Variants in CCDC51 observed in about 807,000 individuals in gnomAD.
The protein encoded by CCDC51 is coiled-coil domain containing 51.
In CCDC51, 25 loss-of-function variants were observed where a neutral mutation model predicts 24.8. The ratio of observed to expected loss-of-function variants is 1.01; its 90% CI spans 0.73 to 1.41. CCDC51 has a LOEUF of 1.41. Ranked by LOEUF, CCDC51 falls within the 40% of genes most tolerant of loss-of-function variation. The pLI is 0.00. For missense variants in CCDC51, 466 were observed against 519.1 expected, an observed-to-expected ratio of 0.90 and a Z score of 0.99; for synonymous variants, 190 against 204.3, an observed-to-expected ratio of 0.93 and a Z score of 0.60.
At position 48,433,165 on chromosome 3, in the gene CCDC51, T is replaced by C. The variant is rs1428595281; in HGVS notation, c.479A>G (p.Glu160Gly). 1 of 1,608,722 alleles carries C rather than the reference T, an allele frequency of 6.2e-7. No homozygotes were observed. The highest frequency in any genetic ancestry group is 1.3e-5 in the African/African-American group (1 of 74,942). ...ATAGGCTGTGCGAAGCCTCTTCTCC[T>C]CCTGCAGAAGCAAAGCCATGTTATT... is the stretch of plus-strand genomic sequence containing the variant. ...LATLEHRMLQ[E>G]EKRLRTAYLR... The change falls in exon 4 of 4, where the codon GAG (glutamate) becomes GGG (glycine). Residue 160 changes from glutamate to glycine, a missense_variant and splice_region_variant. Physicochemically the swap from Glu to Gly is moderately conservative, Grantham distance 98 (BLOSUM62 -2). Transcript: ENST00000395694. The surrounding 1 kb of genome is among the most constrained non-coding windows in gnomAD (Gnocchi z 4.4).
upstream of CCDC51, chr3:48,445,168 G>C (rs1258241608): frequency 1.9e-5 from 2 of 106,752 alleles, no homozygotes; most frequent in African/African-American, 6.8e-5. Flanking sequence ...ACAAGACCCT[G>C]TATTTAAAAA....
At chr3:48,442,243 A>G (rs1315622127), upstream of CCDC51, among the ~76,000 whole-genome samples, 3 of 144,976 alleles carry the variant, frequency 2.1e-5, no homozygotes, top group East Asian at 4.0e-4. Context: ...CCTGGGAGAT[A>G]GAATGAGACC....
chr3:48,434,876 T>C lies in CCDC51; in HGVS notation c.253A>G (p.Arg85Gly), dbSNP rs2039301146. 5.0e-6 allele frequency: 8 copies of C among 1,614,032 alleles called. No individual in the cohort carries two copies. The highest frequency in any genetic ancestry group is 1.7e-5 in the Admixed American group (1 of 60,000). The change falls in exon 2 of 4, where the codon AGA becomes GGA. Residue 85 changes from arginine to glycine, a missense_variant. Physicochemically the swap from Arg to Gly is moderately radical, Grantham distance 125. Coordinates refer to ENST00000395694, the MANE Select transcript of CCDC51 (RefSeq NM_001256964.2). Reference sequence around the variant, plus strand: ...TTGAGTCCAACAAACTCTTCATATCTGTCCCACCAAGTCTTGGCTGTGGAG... The same window carrying C: ...TTGAGTCCAACAAACTCTTCATATCCGTCCCACCAAGTCTTGGCTGTGGAG... ...ATSTAKTWWD[R>G]YEEFVGLNEV...
chr3:48,443,104 G>A (rs1560097675), upstream of CCDC51, among the ~76,000 whole-genome samples: 1 of 151,710 alleles, frequency 6.6e-6, no homozygotes, highest in Admixed American at 6.6e-5. Flanking sequence ...GCCGGGTATG[G>A]TGGCATGCGC....
At chr3:48,434,115 T>G (rs563904082) in intron 2 of CCDC51, 4 of 767,986 alleles carry the variant, frequency 5.2e-6, no homozygotes, top group Non-Finnish European at 5.6e-6. Flanking sequence ...CTGAAAAAAC[T>G]TGAAAACAGC....
rs979742593 is a variant in CCDC51 at position 48,437,303 on chromosome 3, T to C, written c.-8-2167A>G. Among the ~76,000 whole-genome samples, 16 of 152,128 alleles carry C rather than the reference T, an allele frequency of 1.1e-4. No individual in the cohort carries two copies. The highest frequency in any genetic ancestry group is 3.6e-4 in the African/African-American group (15 of 41,410). On this transcript the variant is annotated intron_variant, in intron 1 of 3. Coordinates refer to ENST00000395694, the MANE Select transcript of CCDC51 (RefSeq NM_001256964.2). This position sits in a 1 kb window ranked among gnomAD's most constrained non-coding sequence, Gnocchi z 4.2. The stretch of plus-strand genomic sequence containing the variant: ...ACTTCATAAGGGAATGTGGCAATAA[T>C]TCCCATGTGGCAACTGGAGTTGTTT...
upstream of CCDC51, chr3:48,440,834 C>T (rs536004697): frequency 1.7e-5 from 10 of 603,290 alleles, no homozygotes; most frequent in African/African-American, 1.7e-4. Context: ...GCCTCCCAGG[C>T]AGTCTGGGCT....
At chr3:48,443,092 T>C (rs2039604139), upstream of CCDC51, among the ~76,000 whole-genome samples, 1 of 150,772 alleles carries the variant, frequency 6.6e-6, no homozygotes, top group Non-Finnish European at 1.5e-5. Context: ...ATACAAAAAT[T>C]AGCCGGGTAT....
chr3:48,443,346 G>A (rs889356491), upstream of CCDC51, among the ~76,000 whole-genome samples: 1 of 151,036 alleles, frequency 6.6e-6, no homozygotes, highest in Non-Finnish European at 1.5e-5. Flanking sequence ...TCAGGAGTTC[G>A]AGACCAGCCT....
At chr3:48,443,703 G>A (rs1252748746), upstream of CCDC51, 4 of 548,930 alleles carry the variant, frequency 7.3e-6, no homozygotes, top group African/African-American at 4.0e-5. Context: ...AGAACAGACA[G>A]TATCAGTGAA....
chr3:48,443,428 G>T (rs1246381634), upstream of CCDC51, among the ~76,000 whole-genome samples: 1 of 151,632 alleles, frequency 6.6e-6, no homozygotes, highest in Non-Finnish European at 1.5e-5. Context: ...CAGCTGCTCG[G>T]AAGGCTGAGA....
intron 1 of CCDC51, among the ~76,000 whole-genome samples, chr3:48,439,212 T>C (rs184707414): frequency 6.6e-6 from 1 of 152,372 alleles, no homozygotes; most frequent in African/African-American, 2.4e-5. Flanking sequence ...GCTTTGGTTA[T>C]AGTCTGTCTC....
At chr3:48,440,475 A>AGGCACTGGCGGGTGCGGG (rs760096856), upstream of CCDC51, 2 of 1,610,690 alleles carry the variant, frequency 1.2e-6, no homozygotes, top group Non-Finnish European at 1.7e-6. Context: ...GCGGGCGCGG[A>AGGCACTGGCGGGTGCGGG]GGCACTGGCG....
Position 48,435,952 on chromosome 3 carries a change from C to G in CCDC51, c.-8-816G>C, listed in dbSNP as rs1233762052. On this transcript the variant is annotated intron_variant, in intron 1 of 3. Transcript: ENST00000395694. The surrounding 1 kb of genome is among the most constrained non-coding windows in gnomAD (Gnocchi z 4.2). ...GCTCAACAGGTTAGGTTTCTCTCAT[C>G]TTTCCCTTTTCCATCTTGCTTTGAT... is the stretch of plus-strand genomic sequence containing the variant. Among the ~76,000 whole-genome samples, 2 of 152,180 alleles carry G rather than the reference C, an allele frequency of 1.3e-5. No homozygotes were observed. Among genetic ancestry groups the G allele is most frequent in the Non-Finnish European group, 2.9e-5 (2 of 68,026 alleles).
chr3:48,440,872 CG>C, upstream of CCDC51: 1 of 577,404 alleles, frequency 1.7e-6, no homozygotes, highest in Non-Finnish European at 3.1e-6. Context: ...GCTGCAGAAA[CG>C]GAAACAGTGA....
In CCDC51 at chr3:48,433,195, T is replaced by G. The variant is rs1482585645; in HGVS notation, c.478-29A>C. On this transcript the variant is annotated intron_variant, in intron 3 of 3. Coordinates refer to ENST00000395694, the MANE Select transcript of CCDC51 (RefSeq NM_001256964.2). This position sits in a 1 kb window ranked among gnomAD's most constrained non-coding sequence, Gnocchi z 4.4. ...CAGAAGCAAAGCCATGTTATTGGAT[T>G]ACATGGGCACAAGGTGGCCCTGCAG... 6 of 1,599,870 alleles carry G rather than the reference T, an allele frequency of 3.8e-6. No individual in the cohort carries two copies. The highest frequency in any genetic ancestry group is 5.1e-6 in the Non-Finnish European group (6 of 1,171,982).
Position 48,432,463 on chromosome 3 carries a change from C to A in CCDC51, c.1181G>T (p.Cys394Phe), listed in dbSNP as rs774224962. 6.2e-7 allele frequency: 1 copy of A among 1,614,234 alleles called. No homozygotes were observed. The highest frequency in any genetic ancestry group is 1.1e-5 in the South Asian group (1 of 91,090). ...RNTIYSTLVT[C>F]VTFVATLPVL... ...AGGCAGTGTGGCCACAAATGTCACA[C>A]AGGTGACCAGGGTGCTATAGATGGT... Residue 394 changes from cysteine (C) to phenylalanine (F), a missense_variant, in exon 4 of 4, where the codon TGT (cysteine) becomes TTT (phenylalanine). By Grantham distance (205) the Cys-to-Phe change is radical. Transcript: ENST00000395694.
upstream of CCDC51, chr3:48,440,832 G>C: frequency 1.7e-6 from 1 of 604,000 alleles, no homozygotes; most frequent in South Asian, 2.0e-5. Flanking sequence ...CTGCCTCCCA[G>C]GCAGTCTGGG....
At chr3:48,446,512 A>G in the CCDC51 span, 1 of 213,338 alleles carries the variant, frequency 4.7e-6, no homozygotes, top group East Asian at 1.0e-4. Context: ...ACGGAATGCC[A>G]GGGAGGGAGC....
Sources: gnomAD v4.1 joint callset for allele counts (sites outside exome capture counted in the v4.1 genomes callset) on GRCh38, gnomAD v4.1.1 for gene constraint, Gnocchi (gnomAD v3.1) non-coding constraint, MANE v1.5 for transcripts, NCBI Gene and HGNC (gene_info 2026-07-23, HGNC 2026-07-21) for gene names.